ATP8A2: variants seen among roughly 807,000 people sequenced by gnomAD.
The protein encoded by ATP8A2 is phospholipid-transporting ATPase IB.
Under a neutral mutation model 165.6 loss-of-function variants are expected in ATP8A2, and 100 were observed. The observed-to-expected ratio is 0.60, with a 90% CI of 0.51 to 0.71. The LOEUF is 0.71. Among genes scored for constraint, ATP8A2 ranks in the 30% least tolerant of loss-of-function variants. The probability of loss-of-function intolerance (pLI) is 0.00; values close to 1 mark genes in which losing one functional copy is unlikely to be tolerated. For missense variants in ATP8A2, 1,227 were observed against 1,479.5 expected (o/e 0.83, Z 2.80); for synonymous variants, 543 against 548.8 (o/e 0.99, Z 0.15).
rs1417748888 is a variant in ATP8A2 at position 25,579,960 on chromosome 13, A to G, written c.2007+13A>G. The G allele has an allele frequency of 2.5e-6, 4 of 1,613,352 alleles. No homozygotes were observed. The highest frequency in any genetic ancestry group is 1.7e-5 in the Admixed American group (1 of 59,994). ...GATCATTGAGAAGGTAACCGCACAC[A>G]ATACAGTCTTTTCAGCTCCATGAAG... On this transcript the variant is annotated intron_variant, in intron 22 of 36. Coordinates refer to ENST00000381655, the MANE Select transcript of ATP8A2 (RefSeq NM_016529.6).
chr13:25,497,141 G>T (rs1261855591), intron 2 of ATP8A2, among the ~76,000 whole-genome samples: 2 of 152,164 alleles, frequency 1.3e-5, no homozygotes, highest in Non-Finnish European at 2.9e-5. Context: ...ATCAACACAG[G>T]TTAATCACCT....
chr13:25,794,862 T>TTC (rs139287974), intron 27 of ATP8A2, among the ~76,000 whole-genome samples: 6 of 87,834 alleles, frequency 6.8e-5, no homozygotes, highest in East Asian at 3.8e-4. Context: ...CACACACACC[T>TTC]TCTCTCTCTC....
At chr13:25,632,131 CAGATAGAG>C (rs2041255890) in intron 24 of ATP8A2, among the ~76,000 whole-genome samples, 1 of 152,116 alleles carries the variant, frequency 6.6e-6, no homozygotes, top group Non-Finnish European at 1.5e-5. Flanking sequence ...GATGAACAGC[CAGATAGAG>C]AGATGCATAG....
At chr13:25,415,757 A>G (rs572586036) in intron 1 of ATP8A2, among the ~76,000 whole-genome samples, 1 of 151,914 alleles carries the variant, frequency 6.6e-6, no homozygotes, top group African/African-American at 2.4e-5. Flanking sequence ...ATCAAATGTC[A>G]CCTCTTCAGA....
intron 25 of ATP8A2, among the ~76,000 whole-genome samples, chr13:25,757,628 C>T (rs939140477): frequency 1.3e-5 from 2 of 152,124 alleles, no homozygotes; most frequent in African/African-American, 2.4e-5. Context: ...GTTGATGACT[C>T]CCATATTCGG....
chr13:26,008,476 T>C (rs1177508266), intron 35 of ATP8A2, among the ~76,000 whole-genome samples: 1 of 152,076 alleles, frequency 6.6e-6, no homozygotes, highest in East Asian at 1.9e-4. Context: ...ATGAGATCAA[T>C]ATGGAGATAC....
intron 33 of ATP8A2, among the ~76,000 whole-genome samples, chr13:25,914,715 C>T (rs955205457): frequency 6.6e-6 from 1 of 152,234 alleles, no homozygotes; most frequent in Non-Finnish European, 1.5e-5. Context: ...ACTGCACAGA[C>T]AATTGTTAAG....
chr13:25,771,995 GA>G (rs1555264192), intron 26 of ATP8A2, among the ~76,000 whole-genome samples: 1 of 152,058 alleles, frequency 6.6e-6, no homozygotes, highest in Non-Finnish European at 1.5e-5. Flanking sequence ...TACTCAGAAA[GA>G]AAAAAATGTT....
chr13:25,607,288 C>T (rs1241497803), intron 24 of ATP8A2, among the ~76,000 whole-genome samples: 1 of 152,076 alleles, frequency 6.6e-6, no homozygotes. Flanking sequence ...CTGGCGAGTG[C>T]GACAAATCCA....
At chr13:25,427,005 T>G (rs2034467861) in intron 1 of ATP8A2, among the ~76,000 whole-genome samples, 1 of 151,974 alleles carries the variant, frequency 6.6e-6, no homozygotes. Context: ...TTGTAACAAA[T>G]GTAAAACACC....
chr13:25,522,295 C>T (rs2037696727), intron 2 of ATP8A2, among the ~76,000 whole-genome samples: 1 of 152,028 alleles, frequency 6.6e-6, no homozygotes, highest in Admixed American at 6.6e-5. Context: ...TATAGAAATG[C>T]TACTGATTTT....
intron 25 of ATP8A2, among the ~76,000 whole-genome samples, chr13:25,701,095 T>C (rs2137922885): frequency 6.6e-6 from 1 of 152,352 alleles, no homozygotes; most frequent in East Asian, 1.9e-4. Flanking sequence ...GATACAAGTA[T>C]CTCATCAGAT....
rs922284295 is a variant in ATP8A2, at chr13:25,750,847, A to T, written c.2385-18199A>T. Reference sequence around the variant, plus strand: ...TGGAATTACACGTGTAGTTCACTAAAGTATTCCTAGTGACAACATAGCCAT... The same window carrying T: ...TGGAATTACACGTGTAGTTCACTAATGTATTCCTAGTGACAACATAGCCAT... On this transcript the variant is annotated intron_variant, in intron 25 of 36. Transcript: ENST00000381655. The surrounding 1 kb of genome is among the most constrained non-coding windows in gnomAD (Gnocchi z 4.3). Among the ~76,000 whole-genome samples, 2 of 152,214 alleles carry T rather than the reference A, an allele frequency of 1.3e-5. No individual in the cohort carries two copies. Among genetic ancestry groups the T allele is most frequent in the Non-Finnish European group, 2.9e-5 (2 of 68,034 alleles).
intron 24 of ATP8A2, among the ~76,000 whole-genome samples, chr13:25,593,834 C>T (rs778519259): frequency 2.0e-5 from 3 of 152,176 alleles, no homozygotes; most frequent in Admixed American, 6.5e-5. Flanking sequence ...ATTAAAATGA[C>T]TCTCACAGAT....
Position 25,849,476 on chromosome 13 carries a change from GCT to G in ATP8A2, c.2956+9855_2956+9856del, listed in dbSNP as rs150018658. On this transcript the variant is annotated intron_variant, in intron 30 of 36. Coordinates refer to ENST00000381655, the MANE Select transcript of ATP8A2 (RefSeq NM_016529.6). Reference sequence around the variant, plus strand: ...ATCTTTATAAAATGGCATCAACCTAGCTCTTTGGAATATTCTGAAATAAGTTC... The same window carrying G: ...ATCTTTATAAAATGGCATCAACCTAGCTTTGGAATATTCTGAAATAAGTTC... 1.8e-3 allele frequency among the ~76,000 whole-genome samples: 279 copies of G among 152,290 alleles called. 2 individuals are homozygous for G. The highest frequency in any genetic ancestry group is 6.4e-3 in the African/African-American group (266 of 41,562).
At chr13:25,411,112 T>C (rs554755650) in intron 1 of ATP8A2, among the ~76,000 whole-genome samples, 2 of 152,334 alleles carry the variant, frequency 1.3e-5, no homozygotes, top group South Asian at 4.1e-4. Flanking sequence ...AGATGATGGT[T>C]TATTTATAAT....
intron 25 of ATP8A2, among the ~76,000 whole-genome samples, chr13:25,709,296 A>G (rs2043113731): frequency 6.6e-6 from 1 of 152,342 alleles, no homozygotes. Flanking sequence ...ACCAAGTTGA[A>G]GATAATCCTT....
chr13:25,827,229 A>G (rs1379570000), intron 27 of ATP8A2, among the ~76,000 whole-genome samples: 2 of 149,374 alleles, frequency 1.3e-5, no homozygotes, highest in South Asian at 2.2e-4. Flanking sequence ...CCTGCCTCAG[A>G]CCCCCCCGAG....
chr13:25,916,987 A>G (rs1438264415), intron 33 of ATP8A2, among the ~76,000 whole-genome samples: 1 of 152,132 alleles, frequency 6.6e-6, no homozygotes, highest in Non-Finnish European at 1.5e-5. Flanking sequence ...TTTTTCTGGC[A>G]CCAACATCCT....
Sources: gnomAD v4.1 joint callset for allele counts (sites outside exome capture counted in the v4.1 genomes callset) on GRCh38, gnomAD v4.1.1 for gene constraint, Gnocchi (gnomAD v3.1) non-coding constraint, MANE v1.5 for transcripts, NCBI Gene and HGNC (gene_info 2026-07-23, HGNC 2026-07-21) for gene names.